The following PRICKLE4 variants were observed in gnomAD, a reference collection of about 807,000 sequenced individuals.
PRICKLE4 encodes the protein prickle planar cell polarity protein 4, also known as prickle-like protein 4.
A neutral mutation model predicts 43.5 loss-of-function variants in PRICKLE4; 40 were observed. The ratio of observed to expected loss-of-function variants is 0.92; its 90% CI spans 0.71 to 1.20. The LOEUF is 1.20. Among genes scored for constraint, PRICKLE4 ranks in the 50% most tolerant of loss-of-function variants. The pLI is 0.00. For missense variants in PRICKLE4, 527 were observed against 491.2 expected, an observed-to-expected ratio of 1.07 and a Z score of -0.69; for synonymous variants, 208 against 197.4, an observed-to-expected ratio of 1.05 and a Z score of -0.45.
chr6:41,787,017 C>G lies in PRICKLE4; in HGVS notation c.1043C>G (p.Ser348Trp), dbSNP rs770715384. The G allele has an allele frequency of 6.2e-7, 1 of 1,614,094 alleles. No individual in the cohort carries two copies. Among genetic ancestry groups the G allele is most frequent in the Admixed American group, 1.7e-5 (1 of 60,024 alleles). The stretch of plus-strand genomic sequence containing the variant: ...TCCACCTGCTCCTCCTCCTCTGACT[C>G]GGAACCTGAAGGATTTTTCTTAGGC... The part of the protein sequence containing the change: ...PFSTCSSSSD[S>W]EPEGFFLGER... The change falls in exon 8 of 8, where the codon TCG becomes TGG. Residue 348 changes from serine (S) to tryptophan (W), a missense_variant. Transcript: ENST00000458694.
Position 41,785,017 on chromosome 6 carries a change from G to C in PRICKLE4, c.323G>C (p.Gly108Ala). The C allele has an allele frequency of 1.2e-6, 2 of 1,613,700 alleles. No individual in the cohort carries two copies. The highest frequency in any genetic ancestry group is 1.7e-6 in the Non-Finnish European group (2 of 1,179,840). Residue 108 changes from glycine to alanine, a missense_variant, in exon 5 of 8, where the codon GGA becomes GCA. Transcript: ENST00000458694. ...FCARRKQEAL[G>A]QGVARLVLPK... ...GCCAGGCGGAAGCAGGAAGCCCTGG[G>C]ACAGGGGGTAGCCCGCCTGGTACTT...
At position 41,787,336 on chromosome 6, in the gene PRICKLE4, T is replaced by C; in HGVS notation, c.*207T>C. On this transcript the variant is annotated 3_prime_UTR_variant, in exon 8 of 8. Coordinates refer to ENST00000458694, the MANE Select transcript of PRICKLE4 (RefSeq NM_013397.6). The stretch of plus-strand genomic sequence containing the variant: ...CGGAGACTTTCTTGGCAAAACCCAT[T>C]CCCCAAAGCTACGCTTCCCCTGCTG... 1.3e-6 allele frequency: 1 copy of C among 745,504 alleles called. No individual in the cohort carries two copies. Among genetic ancestry groups the C allele is most frequent in the South Asian group, 2.1e-5 (1 of 47,832 alleles). 46.2% of individuals were successfully genotyped at this position (745,504 alleles called of 1,614,324 possible). A position where few individuals can be genotyped will look rare whatever the true frequency, so the allele number is the denominator to read the frequency against.
chr6:41,785,980 C>A, intron 6 of PRICKLE4, 148 bp from the exon 7 acceptor site: 1 of 909,676 alleles, frequency 1.1e-6, no homozygotes, highest in Non-Finnish European at 1.7e-6. Context: ...CCAATCAGTC[C>A]TCCCTGCGTC....
intron 3 of PRICKLE4, chr6:41,783,898 A>G (rs1277215125): frequency 2.8e-6 from 2 of 722,954 alleles, no homozygotes; most frequent in Admixed American, 2.0e-5. Context: ...TAAGAAGGGA[A>G]GCTGTTTTGG....
At chr6:41,786,644 C>T in intron 7 of PRICKLE4, 118 bp from the exon 8 acceptor site, 1 of 1,478,464 alleles carries the variant, frequency 6.8e-7, no homozygotes, top group Non-Finnish European at 9.0e-7. Flanking sequence ...GCGGCGGCGG[C>T]GGCGCGCACG....
rs1033302075 is a variant in PRICKLE4 at position 41,786,540 on chromosome 6, G to C, written c.787+208G>C. On this transcript the variant is annotated intron_variant, in intron 7 of 7. Coordinates refer to ENST00000458694, the MANE Select transcript of PRICKLE4 (RefSeq NM_013397.6). ...TCCAAGGGCCGCCCGAACCCACCCC[G>C]CGCCGCGGTCGGGGTTGCGGCGCCA... 4.0e-6 allele frequency: 4 copies of C among 1,009,670 alleles called. No individual in the cohort carries two copies. In the African/African-American group the frequency reaches 5.1e-5, roughly 13 times the overall value. 62.5% of individuals were successfully genotyped at this position (1,009,670 alleles called of 1,614,324 possible).
rs1006663778 is a variant in PRICKLE4, at chr6:41,784,833, C to T, written c.241-102C>T. ...TCTCTGGCATCTCCCTGAGGTTCTA[C>T]AACCTTTCTCTGACCCAGCAGCCAA... On this transcript the variant is annotated intron_variant, in intron 4 of 7. Transcript: ENST00000458694. 2.7e-6 allele frequency: 4 copies of T among 1,469,378 alleles called. No homozygotes were observed. The African/African-American group carries it at 5.6e-5, about 21-fold the overall frequency. 91.0% of individuals were successfully genotyped at this position (1,469,378 alleles called of 1,614,324 possible).
chr6:41,787,182 G>A lies in PRICKLE4; in HGVS notation c.*53G>A. 1 of 1,529,668 alleles carries A rather than the reference G, an allele frequency of 6.5e-7. No homozygotes were observed. The highest frequency in any genetic ancestry group is 8.7e-7 in the Non-Finnish European group (1 of 1,145,990). 94.8% of individuals were successfully genotyped at this position (1,529,668 alleles called of 1,614,324 possible). A position where few individuals can be genotyped will look rare whatever the true frequency, so the allele number is the denominator to read the frequency against. ...TGGGAGGAAAGGGGTCTGTAAAGCG[G>A]GAGAACAAGGCTAGCCTCCCCCTAA... is the stretch of plus-strand genomic sequence containing the variant. On this transcript the variant is annotated 3_prime_UTR_variant, in exon 8 of 8. Coordinates refer to ENST00000458694, the MANE Select transcript of PRICKLE4 (RefSeq NM_013397.6).
At position 41,780,786 on chromosome 6, in the gene PRICKLE4, G is replaced by C. The variant is rs1157855737; in HGVS notation, c.-224G>C. Reference sequence around the variant, plus strand: ...GGACCGGGTGAGGGGCCTGACGGCAGAGTCGGTCCAGAACTGCCCGGACAG... The same window carrying C: ...GGACCGGGTGAGGGGCCTGACGGCACAGTCGGTCCAGAACTGCCCGGACAG... On this transcript the variant is annotated 5_prime_UTR_variant, in exon 1 of 8. Coordinates refer to ENST00000458694, the MANE Select transcript of PRICKLE4 (RefSeq NM_013397.6). The C allele has an allele frequency of 6.4e-6, 2 of 310,900 alleles. No individual in the cohort carries two copies. The highest frequency in any genetic ancestry group is 1.2e-5 in the Non-Finnish European group (2 of 160,576). 19.3% of individuals were successfully genotyped at this position (310,900 alleles called of 1,614,324 possible). A position where few individuals can be genotyped will look rare whatever the true frequency, so the allele number is the denominator to read the frequency against.
rs757876233 is a variant in PRICKLE4, at chr6:41,784,119, A to G, written c.133-12A>G. 1.9e-6 allele frequency: 3 copies of G among 1,590,088 alleles called. No homozygotes were observed. Among genetic ancestry groups the G allele is most frequent in the South Asian group, 2.3e-5 (2 of 88,362 alleles). ...CTAGTTTCACTCCTCCCCTTCTTCC[A>G]TGTCTCCTCAGGGTCCTGCAGTTCT... On this transcript the variant is annotated splice_polypyrimidine_tract_variant and intron_variant, in intron 3 of 7. Transcript: ENST00000458694.
At chr6:41,786,413 C>A in intron 7 of PRICKLE4, 81 bp downstream of exon 7, 1 of 1,426,378 alleles carries the variant, frequency 7.0e-7, no homozygotes. Flanking sequence ...ACCCTCGCCC[C>A]GGTCCCACGC....
chr6:41,783,316 G>C, intron 2 of PRICKLE4, 146 bp from the exon 3 acceptor site: 1 of 792,728 alleles, frequency 1.3e-6, no homozygotes, highest in Non-Finnish European at 1.8e-6. Context: ...ATCCTCAGTT[G>C]GGCCATCTGT....
chr6:41,784,211 G>C lies in PRICKLE4; in HGVS notation c.213G>C (p.Leu71=). The stretch of plus-strand genomic sequence containing the variant: ...ACTGGACTGGACTTCAGACCCTCCT[G>C]CAGCAACTCCCTCCGCAGGACATTG... ...APNWTGLQTL[L]QQLPPQDIDE... The change falls in exon 4 of 8, where the codon CTG becomes CTC. Residue 71 remains leucine (L), a synonymous_variant. Transcript: ENST00000458694. 6.2e-7 allele frequency: 1 copy of C among 1,613,402 alleles called. No individual in the cohort carries two copies. Among genetic ancestry groups the C allele is most frequent in the Non-Finnish European group, 8.5e-7 (1 of 1,179,666 alleles).
chr6:41,786,766 G>C lies in PRICKLE4; in HGVS notation c.792G>C (p.Glu264Asp). The part of the protein sequence containing the change: ...GALEGQAFLG[E>D]TGLDRTEGRD... The stretch of plus-strand genomic sequence containing the variant: ...TTCCGACCCGGCCCGGAACAGGGGA[G>C]ACTGGACTCGACCGAACTGAAGGAA... Residue 264 changes from glutamate (E) to aspartate (D), a missense_variant, in exon 8 of 8, where the codon GAG (glutamate) becomes GAC (aspartate). Coordinates refer to ENST00000458694, the MANE Select transcript of PRICKLE4 (RefSeq NM_013397.6). 3 of 1,612,990 alleles carry C rather than the reference G, an allele frequency of 1.9e-6. No homozygotes were observed. Among genetic ancestry groups the C allele is most frequent in the South Asian group, 1.1e-5 (1 of 91,040 alleles).
chr6:41,786,577 A>T, intron 7 of PRICKLE4, 185 bp from the exon 8 acceptor site: 1 of 1,121,564 alleles, frequency 8.9e-7, no homozygotes, highest in African/African-American at 1.6e-5. Context: ...ACTCCCTCCC[A>T]GGCGCGGGAG....
Position 41,786,123 on chromosome 6 carries a change from C to G in PRICKLE4, c.583-5C>G. 2 of 1,612,626 alleles carry G rather than the reference C, an allele frequency of 1.2e-6. No individual in the cohort carries two copies. Among genetic ancestry groups the G allele is most frequent in the Non-Finnish European group, 1.7e-6 (2 of 1,178,918 alleles). On this transcript the variant is annotated splice_polypyrimidine_tract_variant and splice_region_variant and intron_variant, in intron 6 of 7. Coordinates refer to ENST00000458694, the MANE Select transcript of PRICKLE4 (RefSeq NM_013397.6). ...AACGTTCCCCTCTCCCTCTCCCTCT[C>G]CCAGCTGATCTTCTCCTGGCGCTGC...
rs1345451147 is a variant in PRICKLE4 at position 41,784,794 on chromosome 6, C to A, written c.241-141C>A. 2.7e-6 allele frequency: 3 copies of A among 1,108,864 alleles called. No homozygotes were observed. In the East Asian group the frequency reaches 7.3e-5, roughly 27 times the overall value. 68.7% of individuals were successfully genotyped at this position (1,108,864 alleles called of 1,614,324 possible). ...GAGCTCCTTTCCTTTTCCATTTCCT[C>A]TTCTATGCCATTATCTCTGGCATCT... On this transcript the variant is annotated intron_variant, in intron 4 of 7. Transcript: ENST00000458694.
intron 2 of PRICKLE4, among the ~76,000 whole-genome samples, chr6:41,782,634 C>T (rs1042126718): frequency 1.5e-4 from 22 of 148,348 alleles, no homozygotes; most frequent in African/African-American, 4.7e-4. Context: ...CCTCGTGATC[C>T]GCTTGTCTCG....
intron 3 of PRICKLE4, 128 bp downstream of exon 3, chr6:41,783,733 G>C: frequency 7.4e-7 from 1 of 1,356,390 alleles, no homozygotes. Flanking sequence ...TCTCTTTTCA[G>C]GAATTCCTGT....
Sources: gnomAD v4.1 joint callset for allele counts (sites outside exome capture counted in the v4.1 genomes callset) on GRCh38, gnomAD v4.1.1 for gene constraint, MANE v1.5 for transcripts, NCBI Gene and HGNC (gene_info 2026-07-23, HGNC 2026-07-21) for gene names.